The following CCND3 variants were observed in gnomAD, a reference collection of about 807,000 sequenced individuals.
CCND3 encodes cyclin D3.
CCND3 carries 9 observed loss-of-function variants against 28.7 expected under a neutral mutation model. The ratio of observed to expected loss-of-function variants is 0.31; its 90% CI spans 0.19 to 0.55. CCND3 has a LOEUF of 0.55. Among genes scored for constraint, CCND3 ranks in the 20% least tolerant of loss-of-function variants. The probability of loss-of-function intolerance (pLI) is 0.93; values close to 1 mark genes in which losing one functional copy is unlikely to be tolerated. For synonymous variants in CCND3, 164 were observed against 163.9 expected (o/e 1.00, Z 0.00); for missense variants, 315 against 385.8 (o/e 0.82, Z 1.54).
Position 41,978,306 on chromosome 6 carries a change from G to A in CCND3, c.-45-37721C>T, listed in dbSNP as rs998247290. 1.1e-4 allele frequency among the ~76,000 whole-genome samples: 16 copies of A among 151,102 alleles called. No homozygotes were observed. The South Asian group carries it at 1.7e-3, about 16-fold the overall frequency. On this transcript the variant is annotated intron_variant, in intron 1 of 4. Coordinates refer to the CCND3 transcript ENST00000372988. ...GGAGGATGGCATGAACCTGGGAGGC[G>A]GAGCTTGCAGTGAACTGAGATGGCC...
chr6:42,038,146 T>G (rs1015198145), intron 1 of CCND3, among the ~76,000 whole-genome samples: 9 of 152,038 alleles, frequency 5.9e-5, no homozygotes, highest in Admixed American at 3.3e-4. Flanking sequence ...TGTCAGTCTC[T>G]AAAATGCCCA....
chr6:42,003,870 A>C (rs1021755005), intron 1 of CCND3, among the ~76,000 whole-genome samples: 1 of 141,830 alleles, frequency 7.1e-6, no homozygotes, highest in African/African-American at 2.6e-5. Flanking sequence ...TGAGCCTGGG[A>C]GGTTGAGGCT....
chr6:41,942,687 C>T (rs190266656), upstream of CCND3, among the ~76,000 whole-genome samples: 305 of 152,188 alleles, frequency 2.0e-3, 2 homozygotes, highest in South Asian at 0.019. Context: ...TGCATTTCTT[C>T]CACCTCCCAA....
Position 42,048,828 on chromosome 6 carries a change from C to A in CCND3, c.-373G>T. 1 of 365,250 alleles carries A rather than the reference C, an allele frequency of 2.7e-6. No homozygotes were observed. Among genetic ancestry groups the A allele is most frequent in the South Asian group, 1.9e-5 (1 of 51,848 alleles). The allele number at this position is 365,250 out of a possible 1,614,324, so 22.6% of individuals were successfully genotyped here. Reference sequence around the variant, plus strand: ...TCTCCCACCCCCTGTACACCCTCGGCGAGGCCAGGAGGCTCATCCGGCGCC... The same window carrying A: ...TCTCCCACCCCCTGTACACCCTCGGAGAGGCCAGGAGGCTCATCCGGCGCC... On this transcript the variant is annotated 5_prime_UTR_variant, in exon 1 of 5. Coordinates refer to the CCND3 transcript ENST00000372988. This position sits in a 1 kb window ranked among gnomAD's most constrained non-coding sequence, Gnocchi z 4.7.
rs1561958121 is a variant in CCND3, at chr6:41,951,562, AC to A, written c.-45-10978del. 1.4e-3 allele frequency among the ~76,000 whole-genome samples: 121 copies of A among 89,064 alleles called. 7 individuals carry two copies. Among genetic ancestry groups the A allele is most frequent in the Middle Eastern group, 9.4e-3 (2 of 212 alleles). 58.4% of individuals were successfully genotyped at this position (89,064 alleles called of 152,430 possible). ...GAGCGACACACACACACACACACAC[AC>A]ACACACACACACAAAAAAAAAGATT... is the stretch of plus-strand genomic sequence containing the variant. On this transcript the variant is annotated intron_variant, in intron 1 of 4. Transcript: ENST00000372988.
At chr6:41,994,839 C>T (rs1175526538) in intron 1 of CCND3, among the ~76,000 whole-genome samples, 3 of 151,902 alleles carry the variant, frequency 2.0e-5, no homozygotes. Flanking sequence ...TTTGGGAGTC[C>T]GAGGTGGGCA....
intron 1 of CCND3, among the ~76,000 whole-genome samples, chr6:41,982,512 G>A (rs1040246485): frequency 4.6e-5 from 7 of 152,078 alleles, no homozygotes; most frequent in Admixed American, 3.3e-4. Flanking sequence ...TTCCCAACCC[G>A]ATTTAGAGAT....
At chr6:42,034,273 T>C (rs918845875) in intron 1 of CCND3, among the ~76,000 whole-genome samples, 3 of 147,768 alleles carry the variant, frequency 2.0e-5, no homozygotes, top group African/African-American at 7.5e-5. Flanking sequence ...TCAGCCTCCC[T>C]AGTAGCTGGG....
intron 1 of CCND3, among the ~76,000 whole-genome samples, chr6:41,997,742 T>C (rs561952639): frequency 2.1e-4 from 32 of 151,994 alleles, no homozygotes; most frequent in South Asian, 4.2e-4. Context: ...AGTTATGGCA[T>C]GAGAATCTGG....
chr6:41,992,150 G>GT (rs962863602), intron 1 of CCND3, among the ~76,000 whole-genome samples: 144 of 152,144 alleles, frequency 9.5e-4, no homozygotes, highest in African/African-American at 3.3e-3. Context: ...TTGATTTGTA[G>GT]TTTTTTTGTT....
intron 1 of CCND3, among the ~76,000 whole-genome samples, chr6:42,027,559 T>C (rs9369325): frequency 0.44 from 67,324 of 151,748 alleles, 16,257 homozygotes; most frequent in Middle Eastern, 0.56. Context: ...CATTTCTCAA[T>C]TGCGTATCTC....
intron 1 of CCND3, among the ~76,000 whole-genome samples, chr6:42,028,898 C>T (rs1269796661): frequency 1.3e-5 from 2 of 152,082 alleles, no homozygotes; most frequent in South Asian, 2.1e-4. Flanking sequence ...GTGACCTGTG[C>T]AGCCACACAG....
At chr6:41,940,800 G>T in intron 1 of CCND3, 1 of 901,878 alleles carries the variant, frequency 1.1e-6, no homozygotes, top group Non-Finnish European at 1.9e-6. Context: ...TCCCCTTGAC[G>T]GGGGAGTGGT....
At position 42,046,654 on chromosome 6, in the gene CCND3, G is replaced by GCA. The variant is rs142253936; in HGVS notation, c.-46+1845_-46+1846dup. Among the ~76,000 whole-genome samples, 70 of 151,096 alleles carry GCA rather than the reference G, an allele frequency of 4.6e-4. 1 individual carries two copies. The South Asian group carries it at 5.2e-3, about 11-fold the overall frequency. On this transcript the variant is annotated intron_variant, in intron 1 of 4. Transcript: ENST00000372988. Reference sequence around the variant, plus strand: ...TTTGTGTGCACGCACACACGCGCGCGCACACACACACACACAGCCATCAGG... The same window carrying GCA: ...TTTGTGTGCACGCACACACGCGCGCGCACACACACACACACACAGCCATCAGG...
Position 41,964,452 on chromosome 6 carries a change from G to A in CCND3, c.-45-23867C>T, listed in dbSNP as rs576438099. 3.5e-3 allele frequency among the ~76,000 whole-genome samples: 377 copies of A among 108,194 alleles called. 1 individual carries two copies. Among genetic ancestry groups the A allele is most frequent in the African/African-American group, 0.011 (359 of 32,836 alleles). The allele number at this position is 108,194 out of a possible 152,430, so 71.0% of individuals were successfully genotyped here. Reference sequence around the variant, plus strand: ...TTTGTGTGTATGTGTGAATGTGTGAGTCTGTGTGTGAGTGTGTGTGTGAGT... The same window carrying A: ...TTTGTGTGTATGTGTGAATGTGTGAATCTGTGTGTGAGTGTGTGTGTGAGT... On this transcript the variant is annotated intron_variant, in intron 1 of 4. Coordinates refer to the CCND3 transcript ENST00000372988.
chr6:42,012,980 T>C (rs150437210), intron 1 of CCND3, among the ~76,000 whole-genome samples: 132 of 152,250 alleles, frequency 8.7e-4, no homozygotes, highest in African/African-American at 3.2e-3. Flanking sequence ...GCTGAAACCT[T>C]CCTTCCTGGA....
intron 1 of CCND3, among the ~76,000 whole-genome samples, chr6:42,044,783 T>TTTTATTTATTTATTTATTTA (rs70987565): frequency 0.024 from 3,433 of 143,104 alleles, 74 homozygotes; most frequent in African/African-American, 0.042. Flanking sequence ...CTTTCTTTCC[T>TTTTATTTATTTATTTATTTA]TTTATTTATT....
At chr6:42,008,102 T>C (rs964893531) in intron 1 of CCND3, among the ~76,000 whole-genome samples, 1 of 152,118 alleles carries the variant, frequency 6.6e-6, no homozygotes, top group Non-Finnish European at 1.5e-5. Flanking sequence ...ATCTCTTGGC[T>C]AGGCGCGGTG....
At chr6:41,970,396 A>T (rs544531129) in intron 1 of CCND3, among the ~76,000 whole-genome samples, 1 of 152,198 alleles carries the variant, frequency 6.6e-6, no homozygotes, top group Non-Finnish European at 1.5e-5. Context: ...TGGGATGGTA[A>T]TATCTATCTT....
Sources: allele counts gnomAD v4.1 joint callset (sites outside exome capture counted in the v4.1 genomes callset), GRCh38; gene constraint gnomAD v4.1.1; non-coding constraint Gnocchi (gnomAD v3.1); transcripts MANE v1.5; gene names NCBI Gene and HGNC (gene_info 2026-07-23, HGNC 2026-07-21).